The following NRP2 variants were observed in gnomAD, a reference collection of about 807,000 sequenced individuals.
NRP2 encodes the protein neuropilin-2.
NRP2 carries 52 observed loss-of-function variants against 110.4 expected under a neutral mutation model. That is an observed-to-expected ratio of 0.47 (90% CI 0.38 to 0.59). The LOEUF (loss-of-function observed/expected upper bound fraction) is 0.59. Ranked by LOEUF, NRP2 falls within the 20% of genes least tolerant of loss-of-function variation. The pLI is 0.00. For synonymous variants in NRP2, 508 were observed against 468.9 expected, an observed-to-expected ratio of 1.08 and a Z score of -1.08; for missense variants, 1,049 against 1,203.0, an observed-to-expected ratio of 0.87 and a Z score of 1.89.
At chr2:205,776,731 T>G in intron 15 of NRP2, 1 of 1,471,244 alleles carries the variant, frequency 6.8e-7, no homozygotes. Flanking sequence ...TCCTTTTTGT[T>G]GATTCCAAAC....
At chr2:205,707,481 G>T (rs537089745) in intron 2 of NRP2, among the ~76,000 whole-genome samples, 2 of 152,304 alleles carry the variant, frequency 1.3e-5, no homozygotes, top group African/African-American at 4.8e-5. Context: ...CCAAGTAAAT[G>T]AACTCTAAAA....
chr2:205,751,235 G>A (rs1205622163), intron 11 of NRP2, among the ~76,000 whole-genome samples: 1 of 152,072 alleles, frequency 6.6e-6, no homozygotes, highest in African/African-American at 2.4e-5. Flanking sequence ...AAAAATTAAG[G>A]GTTCTGCTGC....
chr2:205,774,218 C>G (rs571856970), intron 15 of NRP2, among the ~76,000 whole-genome samples: 1 of 152,348 alleles, frequency 6.6e-6, no homozygotes, highest in Admixed American at 6.5e-5. Flanking sequence ...GACTTGCAAG[C>G]TGGCCACTTC....
intron 15 of NRP2, among the ~76,000 whole-genome samples, chr2:205,787,718 CTGTGTGTGTGTGTGTGTG>C (rs60558986): frequency 4.9e-5 from 7 of 144,076 alleles, no homozygotes; most frequent in Non-Finnish European, 7.6e-5. Context: ...AAAAAAGTGT[CTGTGTGTGTGTGTGTGTG>C]TGTGTGTGTG....
rs746067886 is a variant in NRP2, at chr2:205,765,578, A to G, written c.2404+8A>G. The G allele has an allele frequency of 8.7e-6, 14 of 1,603,904 alleles. No individual in the cohort carries two copies. Among genetic ancestry groups the G allele is most frequent in the Middle Eastern group, 3.3e-4 (2 of 6,042 alleles). On this transcript the variant is annotated splice_region_variant and intron_variant, in intron 14 of 16. Coordinates refer to ENST00000357785, the MANE Select transcript of NRP2 (RefSeq NM_003872.3). ...CACTGGAGAACTGCATGGGTATGTGAATATCTGTCTCTTCATGGTTCTTTC... is the reference window on the plus strand; with the variant it reads ...CACTGGAGAACTGCATGGGTATGTGGATATCTGTCTCTTCATGGTTCTTTC...
intron 2 of NRP2, among the ~76,000 whole-genome samples, chr2:205,710,817 G>T (rs890580664): frequency 6.6e-6 from 1 of 152,186 alleles, no homozygotes. Context: ...GAGCCTCCTG[G>T]AAGAAAGGCA....
At chr2:205,688,549 T>C (rs1047220207) in intron 1 of NRP2, among the ~76,000 whole-genome samples, 6 of 152,206 alleles carry the variant, frequency 3.9e-5, no homozygotes, top group Non-Finnish European at 8.8e-5. Flanking sequence ...CCTTGTATCA[T>C]GGCTGGCCCT....
chr2:205,703,815 C>G (rs779750849), intron 2 of NRP2, among the ~76,000 whole-genome samples: 67 of 152,184 alleles, frequency 4.4e-4, no homozygotes, highest in Non-Finnish European at 6.5e-4. Flanking sequence ...TTGAACATGC[C>G]TGAACCCAAT....
intron 11 of NRP2, among the ~76,000 whole-genome samples, chr2:205,751,078 A>G (rs1559347551): frequency 6.6e-6 from 1 of 152,212 alleles, no homozygotes; most frequent in Non-Finnish European, 1.5e-5. Flanking sequence ...GAGAAGAAGG[A>G]GACTTGGAGA....
intron 13 of NRP2, among the ~76,000 whole-genome samples, chr2:205,765,268 G>A (rs747365092): frequency 1.6e-4 from 25 of 152,020 alleles, no homozygotes; most frequent in African/African-American, 4.4e-4. Context: ...TTAAATATGC[G>A]TTTGATTTGA....
intron 15 of NRP2, among the ~76,000 whole-genome samples, chr2:205,773,437 A>C (rs2058052713): frequency 6.6e-6 from 1 of 152,246 alleles, no homozygotes. Context: ...TTAAGGAGCC[A>C]GTATAATGTC....
intron 15 of NRP2, among the ~76,000 whole-genome samples, chr2:205,770,353 C>T (rs2058001786): frequency 6.6e-6 from 1 of 152,178 alleles, no homozygotes; most frequent in Non-Finnish European, 1.5e-5. Context: ...ACAGCTGTCT[C>T]TTGGGCATAG....
intron 3 of NRP2, among the ~76,000 whole-genome samples, chr2:205,716,842 C>T (rs867524790): frequency 6.6e-6 from 1 of 152,098 alleles, no homozygotes; most frequent in Non-Finnish European, 1.5e-5. Flanking sequence ...GGGGTCACAC[C>T]ATAGCTTTTA....
At chr2:205,720,573 A>C (rs2056991013) in intron 3 of NRP2, among the ~76,000 whole-genome samples, 1 of 152,236 alleles carries the variant, frequency 6.6e-6, no homozygotes. Flanking sequence ...TCAAGCAAGA[A>C]GTGAATAGAG....
chr2:205,772,043 C>CATGT (rs1559361074), intron 15 of NRP2, among the ~76,000 whole-genome samples: 3 of 152,218 alleles, frequency 2.0e-5, no homozygotes, highest in Non-Finnish European at 4.4e-5. Context: ...TAGCAGTGTA[C>CATGT]AGTTCCTCAG....
intron 11 of NRP2, among the ~76,000 whole-genome samples, chr2:205,752,153 T>C (rs771232355): frequency 4.3e-4 from 65 of 152,150 alleles, no homozygotes; most frequent in Non-Finnish European, 6.9e-4. Flanking sequence ...TGATGGGAAA[T>C]TATTTTTCCT....
intron 15 of NRP2, chr2:205,767,574 G>C: frequency 3.5e-6 from 1 of 287,076 alleles, no homozygotes; most frequent in Non-Finnish European, 7.0e-6. Context: ...CCTCATCCAG[G>C]TTATAAAAAA....
At chr2:205,701,132 T>G (rs1219882056) in intron 2 of NRP2, 1 of 163,038 alleles carries the variant, frequency 6.1e-6, no homozygotes, top group Admixed American at 6.4e-5. Context: ...AAAATGTATG[T>G]ATTTTTAAAA....
intron 15 of NRP2, among the ~76,000 whole-genome samples, chr2:205,780,216 G>A (rs990901843): frequency 5.9e-5 from 9 of 152,218 alleles, no homozygotes; most frequent in Middle Eastern, 3.4e-3. Context: ...CAGACAAAAC[G>A]GGAACTTGTA....
Sources: allele counts gnomAD v4.1 joint callset (sites outside exome capture counted in the v4.1 genomes callset), GRCh38; gene constraint gnomAD v4.1.1; transcripts MANE v1.5; gene names NCBI Gene and HGNC (gene_info 2026-07-23, HGNC 2026-07-21).